The following ITGB2 variants were observed in gnomAD, a reference collection of about 807,000 sequenced individuals.
ITGB2 encodes integrin beta-2.
Under a neutral mutation model 86.8 loss-of-function variants are expected in ITGB2, and 56 were observed. The observed-to-expected ratio is 0.65, with a 90% CI of 0.52 to 0.81. The LOEUF (loss-of-function observed/expected upper bound fraction) is 0.81. Ranked by LOEUF, ITGB2 falls within the 30% of genes least tolerant of loss-of-function variation. The pLI, the probability that ITGB2 is intolerant of heterozygous loss-of-function variation, is 0.00. For synonymous variants in ITGB2, 457 were observed against 450.4 expected, an observed-to-expected ratio of 1.01 and a Z score of -0.19; for missense variants, 948 against 1,061.2, an observed-to-expected ratio of 0.89 and a Z score of 1.48.
At chr21:44,889,950 G>A (rs201453026) in intron 12 of ITGB2, 28 bp downstream of exon 12, 67 of 1,612,170 alleles carry the variant, frequency 4.2e-5, no homozygotes, top group South Asian at 2.1e-4. Flanking sequence ...CAGGACGGCC[G>A]TTGTCCAGCA....
intron 1 of ITGB2, among the ~76,000 whole-genome samples, chr21:44,920,326 C>G (rs555468161): frequency 2.0e-5 from 3 of 152,162 alleles, no homozygotes; most frequent in Non-Finnish European, 4.4e-5. Context: ...CTACACACCA[C>G]GAACCACACC....
In ITGB2 at chr21:44,890,405, C is replaced by A. The variant is rs111543862; in HGVS notation, c.1413-183G>T. 3.3e-5 allele frequency among the ~76,000 whole-genome samples: 5 copies of A among 152,238 alleles called. No homozygotes were observed. In the East Asian group the frequency reaches 9.6e-4, roughly 29 times the overall value. On this transcript the variant is annotated intron_variant, in intron 11 of 15. Coordinates refer to ENST00000652462, the MANE Select transcript of ITGB2 (RefSeq NM_000211.5). ...GTGCTCAAAACGTGCAGGGGCCCCG[C>A]GTTCCCTCCCCAGGATGTCCCGAGG...
At chr21:44,891,555 C>T (rs2083785443) in intron 11 of ITGB2, among the ~76,000 whole-genome samples, 1 of 152,240 alleles carries the variant, frequency 6.6e-6, no homozygotes, top group African/African-American at 2.4e-5. Flanking sequence ...GCCTTGGGTC[C>T]TCCATGGCCA....
At chr21:44,925,354 C>T (rs1190644262), upstream of ITGB2, among the ~76,000 whole-genome samples, 1 of 143,394 alleles carries the variant, frequency 7.0e-6, no homozygotes, top group Non-Finnish European at 1.5e-5. Flanking sequence ...CACCACTGCA[C>T]TCCAGCCTGG....
intron 1 of ITGB2, among the ~76,000 whole-genome samples, chr21:44,926,605 T>C (rs1316590472): frequency 6.6e-6 from 1 of 152,160 alleles, no homozygotes; most frequent in Non-Finnish European, 1.5e-5. Context: ...AGTCCGTCCC[T>C]AAGAGCCGAG....
chr21:44,915,884 T>G (rs1037374403), intron 1 of ITGB2, among the ~76,000 whole-genome samples: 1 of 152,198 alleles, frequency 6.6e-6, no homozygotes, highest in African/African-American at 2.4e-5. Flanking sequence ...TTCCTACTGT[T>G]GGTTTGACTA....
chr21:44,915,781 C>T (rs145817831), intron 1 of ITGB2, among the ~76,000 whole-genome samples: 10 of 152,254 alleles, frequency 6.6e-5, no homozygotes, highest in East Asian at 3.9e-4. Context: ...AGGAACAAGT[C>T]GGAGCAGAGA....
At position 44,894,983 on chromosome 21, in the gene ITGB2, C is replaced by G; in HGVS notation, c.1071G>C (p.Lys357Asn). Residue 357 changes from lysine (K) to asparagine (N), a missense_variant, in exon 9 of 16, where the codon AAG becomes AAC. Coordinates refer to ENST00000652462, the MANE Select transcript of ITGB2 (RefSeq NM_000211.5). Reference protein sequence around the residue: ...EDSSNVVHLIKNAYNKLSSRV... With the variant: ...EDSSNVVHLINNAYNKLSSRV... ...GCGGGAGACTCACATTGTAAGCATT[C>G]TTAATGAGATGGACCACATTGCTGG... The G allele has an allele frequency of 6.2e-7, 1 of 1,609,640 alleles. No individual in the cohort carries two copies. The highest frequency in any genetic ancestry group is 8.5e-7 in the Non-Finnish European group (1 of 1,176,026).
chr21:44,899,035 C>G lies in ITGB2; in HGVS notation c.993+32G>C, dbSNP rs1185581774. On this transcript the variant is annotated intron_variant, in intron 8 of 15. Coordinates refer to ENST00000652462, the MANE Select transcript of ITGB2 (RefSeq NM_000211.5). ...GCCTGTGGCTGAAACATGCCCCCAC[C>G]CAATGGATGCTCGGGACCCAACAGC... 4 of 1,545,462 alleles carry G rather than the reference C, an allele frequency of 2.6e-6. No individual in the cohort carries two copies. In the Admixed American group the frequency reaches 5.0e-5, roughly 19 times the overall value.
At chr21:44,923,222 G>A (rs1225261822), upstream of ITGB2, among the ~76,000 whole-genome samples, 1 of 152,090 alleles carries the variant, frequency 6.6e-6, no homozygotes, top group Non-Finnish European at 1.5e-5. Context: ...ACCCTCACAA[G>A]GCAAACAGCA....
At position 44,901,447 on chromosome 21, in the gene ITGB2, C is replaced by G; in HGVS notation, c.741+45G>C. 7 of 1,605,146 alleles carry G rather than the reference C, an allele frequency of 4.4e-6. No individual in the cohort carries two copies. In the South Asian group the frequency reaches 6.6e-5, roughly 15 times the overall value. ...CCACACAGCGCCTGACAGAGCCCCC[C>G]ACACTGGGGGAACGTGGGGACCCAA... On this transcript the variant is annotated intron_variant, in intron 6 of 15. Transcript: ENST00000652462.
intron 8 of ITGB2, among the ~76,000 whole-genome samples, chr21:44,896,398 AG>A (rs1320260843): frequency 6.6e-6 from 1 of 152,224 alleles, no homozygotes; most frequent in African/African-American, 2.4e-5. Flanking sequence ...CCAGATGCAC[AG>A]GGGCGCAGCC....
intron 8 of ITGB2, 79 bp downstream of exon 8, chr21:44,898,988 A>T (rs748405815): frequency 8.7e-7 from 1 of 1,153,010 alleles, no homozygotes. Context: ...TGGCGCTCAG[A>T]CCTGCAGTGG....
intron 1 of ITGB2, 105 bp from the exon 2 acceptor site, chr21:44,910,890 G>C: frequency 1.7e-6 from 2 of 1,176,324 alleles, no homozygotes; most frequent in Non-Finnish European, 2.5e-6. Context: ...CTGGGGCCCT[G>C]TCCCTGCTGC....
chr21:44,919,732 C>T (rs1465842894), intron 1 of ITGB2, among the ~76,000 whole-genome samples: 4 of 152,226 alleles, frequency 2.6e-5, no homozygotes, highest in African/African-American at 4.8e-5. Context: ...TGCCACCCCT[C>T]CTTCTCCCCA....
chr21:44,906,344 C>G (rs1180665471), intron 4 of ITGB2, among the ~76,000 whole-genome samples: 1 of 152,118 alleles, frequency 6.6e-6, no homozygotes, highest in Non-Finnish European at 1.5e-5. Flanking sequence ...TGGTCTCGAA[C>G]CCCCGACCTC....
rs144862744 is a variant in ITGB2, at chr21:44,899,097, C to A, written c.963G>T (p.Ala321=). 2 of 1,614,042 alleles carry A rather than the reference C, an allele frequency of 1.2e-6. No individual in the cohort carries two copies. The highest frequency in any genetic ancestry group is 2.7e-5 in the African/African-American group (2 of 74,934). ...AGGTCTTCACCATCCTACTGGTCACCGCGAAGATGGGCTGGATGTTGTTTT... is the reference window on the plus strand; with the variant it reads ...AGGTCTTCACCATCCTACTGGTCACAGCGAAGATGGGCTGGATGTTGTTTT... The part of the protein sequence containing the change: ...LAENNIQPIF[A]VTSRMVKTYE... Residue 321 remains alanine, a synonymous_variant, in exon 8 of 16, where the codon GCG becomes GCT. Transcript: ENST00000652462.
chr21:44,928,088 C>G (rs528186149), intron 1 of ITGB2: 1 of 151,652 alleles, frequency 6.6e-6, no homozygotes, highest in African/African-American at 2.4e-5. Flanking sequence ...CCTTCCTCTG[C>G]GTGGTGTGGC....
intron 14 of ITGB2, among the ~76,000 whole-genome samples, chr21:44,888,009 T>C (rs1339942443): frequency 2.6e-5 from 4 of 152,150 alleles, no homozygotes; most frequent in African/African-American, 9.7e-5. Flanking sequence ...CTGTGGAACA[T>C]GAGACCTGAA....
Sources: gnomAD v4.1 joint callset for allele counts (sites outside exome capture counted in the v4.1 genomes callset) on GRCh38, gnomAD v4.1.1 for gene constraint, MANE v1.5 for transcripts, NCBI Gene and HGNC (gene_info 2026-07-23, HGNC 2026-07-21) for gene names.